The following BTBD2 variants were observed in gnomAD, a reference collection of about 807,000 sequenced individuals.
BTBD2 encodes the protein BTB domain containing 2.
A neutral mutation model predicts 44.0 loss-of-function variants in BTBD2; 15 were observed. The ratio of observed to expected loss-of-function variants is 0.34; its 90% confidence interval spans 0.23 to 0.53. The LOEUF is 0.53. Among genes scored for constraint, BTBD2 ranks in the 20% least tolerant of loss-of-function variants. The pLI, the probability that BTBD2 is intolerant of heterozygous loss-of-function variation, is 0.95. For missense variants in BTBD2, 657 were observed against 746.4 expected, an observed-to-expected ratio of 0.88 and a Z score of 1.39; for synonymous variants, 443 against 335.9, an observed-to-expected ratio of 1.32 and a Z score of -3.49.
At chr19:2,006,478 GC>G (rs1645756311) in intron 1 of BTBD2, among the ~76,000 whole-genome samples, 1 of 147,934 alleles carries the variant, frequency 6.8e-6, no homozygotes, top group South Asian at 2.1e-4. Context: ...CTGCACTCCA[GC>G]CTGGGCGACA....
chr19:2,004,913 A>C (rs920337159), intron 1 of BTBD2, among the ~76,000 whole-genome samples: 6 of 150,174 alleles, frequency 4.0e-5, no homozygotes, highest in Non-Finnish European at 7.4e-5. Context: ...CCCGTCTCCC[A>C]AGTTCAAGCG....
chr19:1,990,670 G>A (rs752764052), intron 4 of BTBD2, 47 bp downstream of exon 4: 37 of 1,451,024 alleles, frequency 2.5e-5, no homozygotes, highest in Admixed American at 6.5e-5. Flanking sequence ...GGACCCTCCC[G>A]CCGAGGCCCC....
At chr19:1,994,552 A>C (rs549030689) in intron 2 of BTBD2, among the ~76,000 whole-genome samples, 318 of 152,018 alleles carry the variant, frequency 2.1e-3, no homozygotes, top group Non-Finnish European at 3.9e-3. Flanking sequence ...TGAGATCAGG[A>C]GATCGAGACC....
chr19:1,987,084 G>A (rs756365423), intron 7 of BTBD2, 82 bp downstream of exon 7: 26 of 1,593,276 alleles, frequency 1.6e-5, no homozygotes, highest in Non-Finnish European at 2.1e-5. Flanking sequence ...GACCAGGGCC[G>A]GGGGTTCAGC....
At chr19:1,989,633 G>C in intron 5 of BTBD2, 1 of 303,628 alleles carries the variant, frequency 3.3e-6, no homozygotes, top group Non-Finnish European at 6.4e-6. Context: ...AGGCCCACTC[G>C]GGCGCATGAC....
chr19:2,011,405 C>A (rs933977351), intron 1 of BTBD2, among the ~76,000 whole-genome samples: 1 of 152,172 alleles, frequency 6.6e-6, no homozygotes. Context: ...CAATGCGGAT[C>A]TGGTCACACT....
chr19:1,987,838 C>T (rs8112570), intron 5 of BTBD2, 146 bp from the exon 6 acceptor site: 240,878 of 760,120 alleles, frequency 0.32, 40,814 homozygotes, highest in East Asian at 0.55. Flanking sequence ...GGGGACTAGC[C>T]ACCAGCCATG....
chr19:2,015,569 G>GGCGGCC lies in BTBD2; in HGVS notation c.134_135insGGCCGC (p.Ala53_Ala54dup). The stretch of plus-strand genomic sequence containing the variant: ...CGGCGGCGGCGGCGGCGGCGGCGGC[G>GGCGGCC]GCGGCGGCGGCCGCGTTGCCGGGGG... On this transcript the variant is annotated inframe_insertion, in exon 1 of 9. Transcript: ENST00000255608. 5.6e-6 allele frequency: 4 copies of GGCGGCC among 710,826 alleles called. No homozygotes were observed. The highest frequency in any genetic ancestry group is 6.7e-6 in the Non-Finnish European group (4 of 596,370). 44.0% of individuals were successfully genotyped at this position (710,826 alleles called of 1,614,324 possible).
At chr19:1,987,140 C>A in intron 7 of BTBD2, 26 bp downstream of exon 7, 1 of 1,610,822 alleles carries the variant, frequency 6.2e-7, no homozygotes. Flanking sequence ...TGAGTGGGGC[C>A]TGGGGATGAG....
intron 1 of BTBD2, chr19:2,013,458 G>A: frequency 1.0e-6 from 1 of 963,876 alleles, no homozygotes; most frequent in Non-Finnish European, 1.2e-6. Context: ...CCCGGAGATG[G>A]GAGTCTGGGC....
Position 2,004,593 on chromosome 19 carries a change from G to A in BTBD2, c.408-7130C>T, listed in dbSNP as rs1051224361. Among the ~76,000 whole-genome samples, 11 of 149,654 alleles carry A rather than the reference G, an allele frequency of 7.4e-5. No homozygotes were observed. The South Asian group carries it at 1.1e-3, about 15-fold the overall frequency. The stretch of plus-strand genomic sequence containing the variant: ...ATTACAGGCGTGAGCCACCGCCCCC[G>A]GCCAGGCAAAATAAACTTTCTAAAT... On this transcript the variant is annotated intron_variant, in intron 1 of 8. Transcript: ENST00000255608.
At chr19:2,006,073 G>C (rs1396568672) in intron 1 of BTBD2, among the ~76,000 whole-genome samples, 1 of 150,390 alleles carries the variant, frequency 6.6e-6, no homozygotes, top group Non-Finnish European at 1.5e-5. Context: ...GGGTGACAGA[G>C]TGAGACCCTG....
intron 1 of BTBD2, among the ~76,000 whole-genome samples, chr19:2,011,258 T>C (rs2016460848): frequency 6.6e-6 from 1 of 151,970 alleles, no homozygotes; most frequent in African/African-American, 2.4e-5. Context: ...AGGAACTCGC[T>C]TCCTCCAAAG....
chr19:1,995,916 A>G (rs188193622), intron 2 of BTBD2, among the ~76,000 whole-genome samples: 96 of 152,078 alleles, frequency 6.3e-4, no homozygotes, highest in African/African-American at 2.3e-3. Context: ...CAGCCTCCCA[A>G]AGTACTGGGA....
Position 1,992,325 on chromosome 19 carries a change from C to T in BTBD2, c.684+695G>A, listed in dbSNP as rs145286778. On this transcript the variant is annotated intron_variant, in intron 3 of 8. Coordinates refer to ENST00000255608, the MANE Select transcript of BTBD2 (RefSeq NM_017797.4). ...ATGTTGGCCAGGCTGGTCTCAAACT[C>T]CTGACCTCTGGTGATCTGCCTGTCT... Among the ~76,000 whole-genome samples, 286 of 152,142 alleles carry T rather than the reference C, an allele frequency of 1.9e-3. 1 individual carries two copies. The highest frequency in any genetic ancestry group is 6.5e-3 in the African/African-American group (270 of 41,520).
chr19:1,993,012 C>A lies in BTBD2; in HGVS notation c.684+8G>T. 6.4e-7 allele frequency: 1 copy of A among 1,573,686 alleles called. No individual in the cohort carries two copies. Among genetic ancestry groups the A allele is most frequent in the East Asian group, 2.3e-5 (1 of 42,994 alleles). ...GCCCCGCCCCCGCCTCGTACCGGCC[C>A]CGCCCACCTGCGTGAGCAGCATGAA... On this transcript the variant is annotated splice_region_variant and intron_variant, in intron 3 of 8. Transcript: ENST00000255608.
chr19:2,010,396 C>T (rs1256519083), intron 1 of BTBD2, among the ~76,000 whole-genome samples: 1 of 152,180 alleles, frequency 6.6e-6, no homozygotes, highest in African/African-American at 2.4e-5. Flanking sequence ...CGCGTGCAAC[C>T]CCTGGCCTCC....
chr19:2,003,090 G>C (rs2016350506), intron 1 of BTBD2: 3 of 152,144 alleles, frequency 2.0e-5, no homozygotes, highest in African/African-American at 7.2e-5. Flanking sequence ...GCCAAGGCAG[G>C]AGGATCGTTT....
chr19:1,993,995 CAAAAAAAAAAAAAAAA>C (rs542137742), intron 2 of BTBD2, among the ~76,000 whole-genome samples: 150 of 24,968 alleles, frequency 6.0e-3, no homozygotes, highest in Middle Eastern at 0.045. Flanking sequence ...GAATCCGTCT[CAAAAAAAAAAAAAAAA>C]AAAAAAAAAA....
Sources: allele counts gnomAD v4.1 joint callset (sites outside exome capture counted in the v4.1 genomes callset), GRCh38; gene constraint gnomAD v4.1.1; transcripts MANE v1.5; gene names NCBI Gene and HGNC (gene_info 2026-07-23, HGNC 2026-07-21).